EIF2A: variants seen among roughly 807,000 people sequenced by gnomAD.
EIF2A encodes 65 kDa eukaryotic translation initiation factor 2A.
Under a neutral mutation model 75.2 loss-of-function variants are expected in EIF2A, and 62 were observed. The observed-to-expected ratio is 0.82, with a 90% CI of 0.67 to 1.02. The LOEUF (loss-of-function observed/expected upper bound fraction) is 1.02, where lower values mean the gene tolerates loss of function less well. Ranked by LOEUF, EIF2A falls within the 50% of genes least tolerant of loss-of-function variation. The probability of loss-of-function intolerance (pLI) is 0.00; values close to 1 mark genes in which losing one functional copy is unlikely to be tolerated. For missense variants in EIF2A, 611 were observed against 677.7 expected (o/e 0.90, Z 1.09); for synonymous variants, 207 against 239.0 (o/e 0.87, Z 1.23).
In EIF2A at chr3:150,547,062, G is replaced by A. The variant is rs955904119; in HGVS notation, c.28+232G>A. On this transcript the variant is annotated intron_variant, in intron 1 of 13. Coordinates refer to ENST00000460851, the MANE Select transcript of EIF2A (RefSeq NM_032025.5). ...TCACCCATCCATCATTCTTGCCTGCGGATTCATCTTCTACAGAAATAGAAG... is the reference window on the plus strand; with the variant it reads ...TCACCCATCCATCATTCTTGCCTGCAGATTCATCTTCTACAGAAATAGAAG... The A allele has an allele frequency of 2.1e-5, 12 of 577,888 alleles. No individual in the cohort carries two copies. In the African/African-American group the frequency reaches 2.2e-4, roughly 11 times the overall value. The allele number at this position is 577,888 out of a possible 1,614,324, so 35.8% of individuals were successfully genotyped here.
intron 11 of EIF2A, among the ~76,000 whole-genome samples, chr3:150,576,781 GGAATC>G (rs1724896949): frequency 6.6e-6 from 1 of 152,086 alleles, no homozygotes; most frequent in Non-Finnish European, 1.5e-5. Flanking sequence ...TATTTAACTG[GGAATC>G]GAAATACCAG....
intron 9 of EIF2A, among the ~76,000 whole-genome samples, chr3:150,571,348 C>T (rs1310952801): frequency 6.6e-6 from 1 of 152,106 alleles, no homozygotes; most frequent in Non-Finnish European, 1.5e-5. Flanking sequence ...TCATGTTGGC[C>T]AGGCTGGTCT....
rs1423005555 is a variant in EIF2A, at chr3:150,571,865, A to C, written c.812-93A>C. 1.4e-5 allele frequency: 16 copies of C among 1,118,460 alleles called. No individual in the cohort carries two copies. The East Asian group carries it at 3.8e-4, about 27-fold the overall frequency. The allele number at this position is 1,118,460 out of a possible 1,614,324, so 69.3% of individuals were successfully genotyped here. A position where few individuals can be genotyped will look rare whatever the true frequency, so the allele number is the denominator to read the frequency against. On this transcript the variant is annotated intron_variant, in intron 9 of 13. Coordinates refer to ENST00000460851, the MANE Select transcript of EIF2A (RefSeq NM_032025.5). ...TCCTTGAAATTTTTTTATCTGTTTG[A>C]TGTGTTTGTGAGTACTATATGATGG...
At chr3:150,561,646 A>G (rs1287319240) in intron 3 of EIF2A, among the ~76,000 whole-genome samples, 1 of 152,102 alleles carries the variant, frequency 6.6e-6, no homozygotes, top group African/African-American at 2.4e-5. Context: ...CTTTGGTTTG[A>G]TAGACCTCAG....
chr3:150,564,598 T>C (rs532071239), intron 6 of EIF2A: 13 of 363,230 alleles, frequency 3.6e-5, no homozygotes, highest in African/African-American at 2.7e-4. Flanking sequence ...ATCTGGTAAT[T>C]GCTATTAAGA....
intron 11 of EIF2A, 103 bp downstream of exon 11, chr3:150,575,865 G>C (rs895977903): frequency 1.1e-6 from 1 of 934,168 alleles, no homozygotes; most frequent in Admixed American, 3.2e-5. Context: ...GAGGCGAGTG[G>C]ATCACTTGAG....
rs573613349 is a variant in EIF2A at position 150,572,124 on chromosome 3, A to G, written c.978A>G (p.Gly326=). The change falls in exon 10 of 14, where the codon GGA becomes GGG. Residue 326 remains glycine (G), a synonymous_variant. Transcript: ENST00000460851. The part of the protein sequence containing the change: ...PRNAAYYSPH[G]HILVLAGFGN... ...ATGCAGCCTACTATAGCCCTCATGG[A>G]CATATATTAGTATTAGCTGGATTTG... 1 of 1,613,960 alleles carries G rather than the reference A, an allele frequency of 6.2e-7. No individual in the cohort carries two copies. The highest frequency in any genetic ancestry group is 1.3e-5 in the African/African-American group (1 of 75,026).
chr3:150,548,941 A>C (rs1723179997), intron 1 of EIF2A, among the ~76,000 whole-genome samples: 1 of 152,202 alleles, frequency 6.6e-6, no homozygotes, highest in Non-Finnish European at 1.5e-5. Context: ...AAACTGTTTA[A>C]TCTTTTAAAC....
In EIF2A at chr3:150,562,589, ACCT is replaced by A; in HGVS notation, c.225_227del (p.Leu76del). On this transcript the variant is annotated inframe_deletion, in exon 4 of 14. Coordinates refer to ENST00000460851, the MANE Select transcript of EIF2A (RefSeq NM_032025.5). Reference sequence around the variant, plus strand: ...AACAAGGGACTACTGCACTCCTTCGACCTCCTGAAGGCAGTTTGCCTTGAATTC... The same window carrying A: ...AACAAGGGACTACTGCACTCCTTCGACCTGAAGGCAGTTTGCCTTGAATTC... 6.2e-7 allele frequency: 1 copy of A among 1,613,558 alleles called. No homozygotes were observed. Among genetic ancestry groups the A allele is most frequent in the Non-Finnish European group, 8.5e-7 (1 of 1,179,726 alleles).
intron 10 of EIF2A, among the ~76,000 whole-genome samples, chr3:150,573,774 G>A (rs1182123642): frequency 1.3e-5 from 2 of 152,108 alleles, no homozygotes; most frequent in Non-Finnish European, 2.9e-5. Flanking sequence ...CTTCACAAAG[G>A]AGGAGAGTTA....
chr3:150,554,439 C>A (rs80273625), intron 2 of EIF2A, among the ~76,000 whole-genome samples: 2,207 of 152,228 alleles, frequency 0.014, 54 homozygotes, highest in African/African-American at 0.051. Context: ...AGACAATTAC[C>A]ATTTTGTAAT....
chr3:150,562,485 A>G, intron 3 of EIF2A, 57 bp from the exon 4 acceptor site: 1 of 1,277,048 alleles, frequency 7.8e-7, no homozygotes, highest in Non-Finnish European at 1.1e-6. Context: ...TGTTTTGGTT[A>G]GTGTTGACTA....
At chr3:150,560,094 T>C (rs1456853498) in intron 3 of EIF2A, among the ~76,000 whole-genome samples, 2 of 152,310 alleles carry the variant, frequency 1.3e-5, no homozygotes, top group East Asian at 3.9e-4. Context: ...TTAGAGTTTG[T>C]TGAATAAGTC....
intron 6 of EIF2A, 197 bp from the exon 7 acceptor site, chr3:150,567,496 T>C: frequency 2.0e-6 from 1 of 494,644 alleles, no homozygotes. Flanking sequence ...AGTAAATGAC[T>C]GAGTAGAAAT....
In EIF2A at chr3:150,564,286, TTCA is replaced by T; in HGVS notation, c.393-11_393-9del. 1 of 1,539,928 alleles carries T rather than the reference TTCA, an allele frequency of 6.5e-7. No individual in the cohort carries two copies. Among genetic ancestry groups the T allele is most frequent in the South Asian group, 1.3e-5 (1 of 78,830 alleles). ...AATATTTTTTATACTTTTTTTTTTT[TTCA>T]TTGACATAGGTGTCCATCCTGGTCA... On this transcript the variant is annotated splice_polypyrimidine_tract_variant and intron_variant, in intron 5 of 13. Coordinates refer to ENST00000460851, the MANE Select transcript of EIF2A (RefSeq NM_032025.5).
chr3:150,548,349 C>G (rs1402781372), intron 1 of EIF2A, among the ~76,000 whole-genome samples: 1 of 152,164 alleles, frequency 6.6e-6, no homozygotes, highest in Non-Finnish European at 1.5e-5. Context: ...ATTTTTGTAC[C>G]TGAAATATAT....
At chr3:150,556,556 A>AT (rs1324556492) in intron 2 of EIF2A, among the ~76,000 whole-genome samples, 1 of 152,220 alleles carries the variant, frequency 6.6e-6, no homozygotes, top group Admixed American at 6.5e-5. Context: ...ATAGAGCAAT[A>AT]TGATAATGAC....
chr3:150,570,802 C>A (rs1298220869), intron 9 of EIF2A, among the ~76,000 whole-genome samples: 2 of 152,010 alleles, frequency 1.3e-5, no homozygotes, highest in African/African-American at 4.8e-5. Context: ...GTGGCTCATG[C>A]CTGTAATCAA....
At chr3:150,582,831 C>G (rs1028955765) in intron 12 of EIF2A, among the ~76,000 whole-genome samples, 1 of 152,074 alleles carries the variant, frequency 6.6e-6, no homozygotes, top group Non-Finnish European at 1.5e-5. Context: ...CACTTTTTAT[C>G]GGGCAGGACT....
Sources: gnomAD v4.1 joint callset for allele counts (sites outside exome capture counted in the v4.1 genomes callset) on GRCh38, gnomAD v4.1.1 for gene constraint, MANE v1.5 for transcripts, NCBI Gene and HGNC (gene_info 2026-07-23, HGNC 2026-07-21) for gene names.